The following PRELID2 variants were observed in gnomAD, a reference collection of about 807,000 sequenced individuals.
PRELID2 encodes PRELI domain-containing protein 2.
A neutral mutation model predicts 28.4 loss-of-function variants in PRELID2; 25 were observed. The ratio of observed to expected loss-of-function variants is 0.88; its 90% CI spans 0.64 to 1.23. PRELID2 has a LOEUF of 1.23. Ranked by LOEUF, PRELID2 falls within the 50% of genes most tolerant of loss-of-function variation. PRELID2 has a pLI of 0.00. For synonymous variants in PRELID2, 76 were observed against 71.6 expected, an observed-to-expected ratio of 1.06 and a Z score of -0.31; for missense variants, 201 against 214.4, an observed-to-expected ratio of 0.94 and a Z score of 0.39.
At chr5:145,527,733 G>T (rs1240655473) in intron 1 of PRELID2, among the ~76,000 whole-genome samples, 2 of 152,114 alleles carry the variant, frequency 1.3e-5, no homozygotes, top group Non-Finnish European at 2.9e-5. Context: ...TCAGCAAGTT[G>T]TTTAACTTCG....
chr5:145,637,216 T>A (rs761643731), intron 1 of PRELID2, among the ~76,000 whole-genome samples: 1 of 152,258 alleles, frequency 6.6e-6, no homozygotes, highest in Non-Finnish European at 1.5e-5. Context: ...TATTGGGCAC[T>A]GCATAACAGA....
chr5:145,340,647 A>T, the PRELID2 span, among the ~76,000 whole-genome samples: 1 of 152,000 alleles, frequency 6.6e-6, no homozygotes, highest in African/African-American at 2.4e-5. Flanking sequence ...ACATGCCTGT[A>T]TTCCAGCTAC....
chr5:145,232,739 A>G, the PRELID2 span, among the ~76,000 whole-genome samples: 1 of 152,168 alleles, frequency 6.6e-6, no homozygotes, highest in Non-Finnish European at 1.5e-5. Flanking sequence ...CAGAAGTCTC[A>G]GAAGACTATA....
chr5:145,439,093 C>T, the PRELID2 span, among the ~76,000 whole-genome samples: 1 of 152,084 alleles, frequency 6.6e-6, no homozygotes, highest in East Asian at 1.9e-4. Flanking sequence ...ACTTGTGTCC[C>T]CACTTCTGCA....
In PRELID2 at chr5:145,729,424, C is replaced by A. The variant is rs12523366; in HGVS notation, n.70+35507G>T. 21 of 383,538 alleles carry A rather than the reference C, an allele frequency of 5.5e-5. No individual in the cohort carries two copies. In the Admixed American group the frequency reaches 7.9e-4, roughly 14 times the overall value. The allele number at this position is 383,538 out of a possible 1,614,324, so 23.8% of individuals were successfully genotyped here. ...AAACTGAAGCTTCAAGATGACTTTA[C>A]TTGCCCAGGTTCCTTCTAAGTCCTC... On this transcript the variant is annotated intron_variant and non_coding_transcript_variant, in intron 1 of 2. Transcript: ENST00000510259.
intron 1 of PRELID2, among the ~76,000 whole-genome samples, chr5:145,618,952 A>C (rs368447130): frequency 1.1e-4 from 16 of 152,200 alleles, no homozygotes; most frequent in African/African-American, 3.9e-4. Flanking sequence ...GCAGGTTGTC[A>C]GGGTAAGTGG....
At chr5:145,480,502 A>G (rs901430210) in intron 1 of PRELID2, among the ~76,000 whole-genome samples, 1 of 152,192 alleles carries the variant, frequency 6.6e-6, no homozygotes, top group Non-Finnish European at 1.5e-5. Context: ...CACTGTAAAT[A>G]AAATAATTAA....
At chr5:145,271,500 C>T in the PRELID2 span, among the ~76,000 whole-genome samples, 319 of 152,170 alleles carry the variant, frequency 2.1e-3, 9 homozygotes, top group East Asian at 0.052. Context: ...ATAGGTGAGC[C>T]CCCATACTTG....
chr5:145,800,539 CTT>C (rs1753067626), intron 4 of PRELID2, among the ~76,000 whole-genome samples: 2 of 152,250 alleles, frequency 1.3e-5, no homozygotes, highest in Admixed American at 6.5e-5. Flanking sequence ...GTCTCACACT[CTT>C]GGGAGAGATG....
chr5:145,507,388 C>T (rs952658133), intron 1 of PRELID2, among the ~76,000 whole-genome samples: 1 of 152,032 alleles, frequency 6.6e-6, no homozygotes, highest in Non-Finnish European at 1.5e-5. Context: ...CTAGGTGATG[C>T]CTGTATAACA....
the PRELID2 span, among the ~76,000 whole-genome samples, chr5:145,308,425 C>A: frequency 6.6e-6 from 1 of 152,314 alleles, no homozygotes; most frequent in East Asian, 1.9e-4. Context: ...ATTGCCTATG[C>A]TTACTTTTCA....
intron 1 of PRELID2, among the ~76,000 whole-genome samples, chr5:145,650,328 G>A (rs953832230): frequency 6.6e-6 from 1 of 151,714 alleles, no homozygotes; most frequent in Admixed American, 6.6e-5. Flanking sequence ...ACCTCTATGG[G>A]ATTCTCTGCT....
chr5:145,469,133 A>T (rs75873474), downstream of PRELID2, among the ~76,000 whole-genome samples: 1,553 of 152,238 alleles, frequency 0.01, 28 homozygotes, highest in African/African-American at 0.035. Context: ...CTCTCTTCAA[A>T]TGAAAAACAA....
the PRELID2 span, among the ~76,000 whole-genome samples, chr5:145,394,252 TA>T: frequency 3.6e-4 from 54 of 152,022 alleles, no homozygotes; most frequent in East Asian, 1.2e-3. Context: ...TATGCAGCCA[TA>T]AAAAAATGAT....
the PRELID2 span, among the ~76,000 whole-genome samples, chr5:145,294,014 T>C: frequency 6.6e-6 from 1 of 152,164 alleles, no homozygotes. Flanking sequence ...AACTGAGGAA[T>C]CTTAGGGCCA....
chr5:145,449,479 C>T, the PRELID2 span, among the ~76,000 whole-genome samples: 11 of 152,198 alleles, frequency 7.2e-5, no homozygotes, highest in African/African-American at 2.6e-4. Context: ...CTCTGCTGCT[C>T]TTCTGCTCTT....
At chr5:145,777,170 G>C (rs947956174) in intron 5 of PRELID2, among the ~76,000 whole-genome samples, 1 of 152,198 alleles carries the variant, frequency 6.6e-6, no homozygotes, top group Non-Finnish European at 1.5e-5. Context: ...AAGTAAAGAA[G>C]TGAGCTGCTG....
At chr5:145,376,767 G>C in the PRELID2 span, among the ~76,000 whole-genome samples, 2 of 151,886 alleles carry the variant, frequency 1.3e-5, no homozygotes, top group Non-Finnish European at 2.9e-5. Context: ...GTGTTTATTT[G>C]AATCTTCTCT....
At chr5:145,692,127 G>A (rs1296224586) in intron 1 of PRELID2, among the ~76,000 whole-genome samples, 1 of 151,958 alleles carries the variant, frequency 6.6e-6, no homozygotes, top group African/African-American at 2.4e-5. Flanking sequence ...TCATTTACCT[G>A]GCTCATATTT....
Sources: allele counts gnomAD v4.1 joint callset (sites outside exome capture counted in the v4.1 genomes callset), GRCh38; gene constraint gnomAD v4.1.1; transcripts MANE v1.5; gene names NCBI Gene and HGNC (gene_info 2026-07-23, HGNC 2026-07-21).